The following ROCK2 variants were observed in gnomAD, a reference collection of about 807,000 sequenced individuals.
The protein encoded by ROCK2 is rho-associated protein kinase 2.
In ROCK2, 61 loss-of-function variants were observed where a neutral mutation model predicts 195.1. The ratio of observed to expected loss-of-function variants is 0.31; its 90% CI spans 0.25 to 0.39. ROCK2 has a LOEUF of 0.39. ROCK2 is among the 10% of genes least tolerant of loss of function. The pLI, the probability that ROCK2 is intolerant of heterozygous loss-of-function variation, is 1.00. For missense variants in ROCK2, 1,109 were observed against 1,637.4 expected (o/e 0.68, Z 5.57); for synonymous variants, 504 against 545.5 (o/e 0.92, Z 1.06).
intron 1 of ROCK2, among the ~76,000 whole-genome samples, chr2:11,331,496 A>C (rs967768665): frequency 7.2e-5 from 11 of 152,228 alleles, no homozygotes; most frequent in African/African-American, 2.7e-4. Context: ...GGGTCAACAA[A>C]AGGGAAAGAA....
At chr2:11,271,594 G>A (rs1166337639) in intron 3 of ROCK2, among the ~76,000 whole-genome samples, 4 of 152,300 alleles carry the variant, frequency 2.6e-5, no homozygotes, top group African/African-American at 9.6e-5. Context: ...TTTGTTGTTA[G>A]GATGGATGGT....
intron 30 of ROCK2, among the ~76,000 whole-genome samples, chr2:11,193,033 G>A (rs1429119338): frequency 6.6e-6 from 1 of 152,174 alleles, no homozygotes; most frequent in Non-Finnish European, 1.5e-5. Flanking sequence ...TAGGTGTTAG[G>A]AAGTTTTTCT....
intron 3 of ROCK2, among the ~76,000 whole-genome samples, chr2:11,271,195 T>C (rs942398011): frequency 1.7e-4 from 26 of 152,216 alleles, no homozygotes; most frequent in Admixed American, 1.6e-3. Flanking sequence ...AAGAAGCAAA[T>C]GCTGTGGCAT....
chr2:11,195,860 A>C (rs537200881), intron 27 of ROCK2, among the ~76,000 whole-genome samples: 4 of 152,336 alleles, frequency 2.6e-5, no homozygotes, highest in African/African-American at 9.6e-5. Context: ...GCAGCAAAAT[A>C]ATCAAAAGAT....
chr2:11,193,177 TGA>T (rs1174867261), intron 30 of ROCK2, among the ~76,000 whole-genome samples: 2 of 152,064 alleles, frequency 1.3e-5, no homozygotes, highest in South Asian at 2.1e-4. Context: ...TTTTGAGAGT[TGA>T]GAGAGAAAAG....
At chr2:11,286,028 A>G (rs1667175525) in intron 3 of ROCK2, among the ~76,000 whole-genome samples, 1 of 151,392 alleles carries the variant, frequency 6.6e-6, no homozygotes. Context: ...ATAATAGAGG[A>G]GTTTCATATA....
Position 11,260,448 on chromosome 2 carries a change from C to CTA in ROCK2, c.325-10651_325-10650insTA, listed in dbSNP as rs71393863. Among the ~76,000 whole-genome samples, 6 of 91,526 alleles carry CTA rather than the reference C, an allele frequency of 6.6e-5. No homozygotes were observed. In the East Asian group the frequency reaches 2.0e-3, roughly 30 times the overall value. 60.0% of individuals were successfully genotyped at this position (91,526 alleles called of 152,430 possible). A position where few individuals can be genotyped will look rare whatever the true frequency, so the allele number is the denominator to read the frequency against. On this transcript the variant is annotated intron_variant, in intron 3 of 32. Coordinates refer to ENST00000315872, the MANE Select transcript of ROCK2 (RefSeq NM_004850.5). ...GGGTGACAGAGCGAGACTCTGTCTC[C>CTA]AAAAAAAAAAAAAAAAAAAGGAGTT...
At chr2:11,210,159 C>T (rs1297021026) in intron 18 of ROCK2, among the ~76,000 whole-genome samples, 12 of 151,952 alleles carry the variant, frequency 7.9e-5, no homozygotes, top group African/African-American at 2.9e-4. Flanking sequence ...CTTACATTAG[C>T]GTTTTAATAG....
At chr2:11,224,254 A>T in intron 7 of ROCK2, 68 bp downstream of exon 7, 1 of 1,378,154 alleles carries the variant, frequency 7.3e-7, no homozygotes, top group Non-Finnish European at 1.0e-6. Flanking sequence ...TTAATAAGCT[A>T]GGCATGCTTT....
intron 3 of ROCK2, among the ~76,000 whole-genome samples, chr2:11,261,746 A>T (rs1433189530): frequency 1.3e-5 from 2 of 152,068 alleles, no homozygotes; most frequent in Non-Finnish European, 2.9e-5. Flanking sequence ...CAACCCAGGA[A>T]CCCAGGAGAC....
intron 1 of ROCK2, among the ~76,000 whole-genome samples, chr2:11,293,915 C>G (rs6732258): frequency 0.73 from 110,740 of 151,922 alleles, 42,308 homozygotes; most frequent in East Asian, 0.94. Flanking sequence ...TCCCAGCACT[C>G]TGGGAGGCCG....
At chr2:11,224,048 T>C (rs957955358) in intron 7 of ROCK2, among the ~76,000 whole-genome samples, 1 of 152,200 alleles carries the variant, frequency 6.6e-6, no homozygotes, top group African/African-American at 2.4e-5. Context: ...ACGAAAGTTT[T>C]ATTTCTTTCA....
At chr2:11,300,427 C>T (rs1667668467) in intron 1 of ROCK2, among the ~76,000 whole-genome samples, 1 of 152,164 alleles carries the variant, frequency 6.6e-6, no homozygotes, top group African/African-American at 2.4e-5. Flanking sequence ...CCACGCCTGG[C>T]TTATTTTTGT....
At chr2:11,218,940 C>G (rs1209773936) in intron 10 of ROCK2, 26 bp downstream of exon 10, 3 of 1,287,646 alleles carry the variant, frequency 2.3e-6, no homozygotes, top group Non-Finnish European at 3.3e-6. Flanking sequence ...ACTAAAATAA[C>G]TACAGCAGTA....
chr2:11,193,924 A>G, intron 29 of ROCK2, 67 bp from the exon 30 acceptor site: 1 of 851,940 alleles, frequency 1.2e-6, no homozygotes, highest in South Asian at 1.6e-5. Flanking sequence ...TAATTATTCT[A>G]TACTTACATC....
intron 4 of ROCK2, among the ~76,000 whole-genome samples, chr2:11,238,814 T>TC (rs1413365419): frequency 6.6e-6 from 1 of 152,100 alleles, no homozygotes; most frequent in Non-Finnish European, 1.5e-5. Context: ...ACCACTGTAC[T>TC]CCAGTCTGCG....
chr2:11,249,531 A>G, intron 4 of ROCK2, 130 bp downstream of exon 4: 1 of 659,358 alleles, frequency 1.5e-6, no homozygotes, highest in Non-Finnish European at 2.3e-6. Flanking sequence ...GTTTTGAATC[A>G]AATCTCCTAA....
At chr2:11,199,422 T>A (rs940880982) in intron 23 of ROCK2, among the ~76,000 whole-genome samples, 4 of 150,948 alleles carry the variant, frequency 2.6e-5, no homozygotes, top group Non-Finnish European at 4.4e-5. Context: ...GCTCTAAGGA[T>A]CCTCCCACCT....
intron 11 of ROCK2, chr2:11,218,197 C>A: frequency 3.1e-6 from 1 of 319,174 alleles, no homozygotes. Flanking sequence ...TTGAGCACAC[C>A]AGTTATTATA....
Sources: allele counts gnomAD v4.1 joint callset (sites outside exome capture counted in the v4.1 genomes callset), GRCh38; gene constraint gnomAD v4.1.1; transcripts MANE v1.5; gene names NCBI Gene and HGNC (gene_info 2026-07-23, HGNC 2026-07-21).